DOCK9: variants seen among roughly 807,000 people sequenced by gnomAD.
DOCK9 encodes dedicator of cytokinesis 9.
In DOCK9, 89 loss-of-function variants were observed where a neutral mutation model predicts 263.3. The observed-to-expected ratio is 0.34, with a 90% CI of 0.28 to 0.40. The LOEUF (loss-of-function observed/expected upper bound fraction) is 0.40, where lower values mean the gene tolerates loss of function less well. Ranked by LOEUF, DOCK9 falls within the 10% of genes least tolerant of loss-of-function variation. DOCK9 has a pLI of 1.00. For synonymous variants in DOCK9, 976 were observed against 973.1 expected, an observed-to-expected ratio of 1.00 and a Z score of -0.06; for missense variants, 2,140 against 2,603.4, an observed-to-expected ratio of 0.82 and a Z score of 3.87.
At chr13:98,868,741 A>T (rs1172421147) in intron 27 of DOCK9, among the ~76,000 whole-genome samples, 1 of 152,164 alleles carries the variant, frequency 6.6e-6, no homozygotes, top group Non-Finnish European at 1.5e-5. Context: ...GTGACAAAGC[A>T]AGGCCCAGTC....
At position 98,881,505 on chromosome 13, in the gene DOCK9, G is replaced by A. The variant is rs550940687; in HGVS notation, c.2745+53C>T. ...CTTGTGAAAAAATAAGTCCTTAGAA[G>A]GAAAACTGGAGAGCCACAGATGTAA... On this transcript the variant is annotated intron_variant, in intron 25 of 52. Coordinates refer to ENST00000682017, the MANE Select transcript of DOCK9 (RefSeq NM_001366683.2). 79 of 1,468,062 alleles carry A rather than the reference G, an allele frequency of 5.4e-5. No individual in the cohort carries two copies. The South Asian group carries it at 8.3e-4, about 15-fold the overall frequency. The allele number at this position is 1,468,062 out of a possible 1,614,324, so 90.9% of individuals were successfully genotyped here. A position where few individuals can be genotyped will look rare whatever the true frequency, so the allele number is the denominator to read the frequency against.
At chr13:98,962,665 T>A (rs939253931) in intron 1 of DOCK9, among the ~76,000 whole-genome samples, 6 of 151,956 alleles carry the variant, frequency 3.9e-5, no homozygotes, top group Admixed American at 3.9e-4. Context: ...AAAAAAACTT[T>A]CCTTGACCTC....
chr13:98,828,042 T>C (rs1490112116), intron 43 of DOCK9, among the ~76,000 whole-genome samples: 1 of 151,960 alleles, frequency 6.6e-6, no homozygotes, highest in Non-Finnish European at 1.5e-5. Context: ...GTCATAGACA[T>C]ATGGGGAAGG....
chr13:98,894,427 T>G (rs1468309414), intron 15 of DOCK9, among the ~76,000 whole-genome samples: 2 of 152,204 alleles, frequency 1.3e-5, no homozygotes, highest in Non-Finnish European at 2.9e-5. Context: ...TCCATCTAGA[T>G]AGCTACTTGC....
chr13:98,955,635 G>A, intron 1 of DOCK9, 84 bp from the exon 2 acceptor site: 1 of 897,386 alleles, frequency 1.1e-6, no homozygotes. Context: ...TCTACTCTAT[G>A]TTTTGTATTT....
In DOCK9 at chr13:98,797,372, C is replaced by T. The variant is rs1028195071; in HGVS notation, c.6017+17G>A. ...ATCAATACTCGAAGAGAAAAAGATG[C>T]TTTCAGTGTGCTTTACCTGAAAACT... is the stretch of plus-strand genomic sequence containing the variant. On this transcript the variant is annotated intron_variant, in intron 51 of 52. Coordinates refer to ENST00000682017, the MANE Select transcript of DOCK9 (RefSeq NM_001366683.2). The T allele has an allele frequency of 1.9e-6, 3 of 1,611,078 alleles. No homozygotes were observed. The highest frequency in any genetic ancestry group is 1.3e-5 in the African/African-American group (1 of 74,900).
At chr13:99,086,240 G>C in exon 1 of DOCK9, 1 of 1,505,146 alleles carries the variant, frequency 6.6e-7, no homozygotes, top group Non-Finnish European at 8.8e-7. Flanking sequence ...ACGGAGCCGC[G>C]CACCACCTCA....
rs71114557 is a variant in DOCK9, at chr13:98,894,957, CAAA to C, written c.1709+2528_1709+2530del. On this transcript the variant is annotated intron_variant, in intron 15 of 52. Coordinates refer to ENST00000682017, the MANE Select transcript of DOCK9 (RefSeq NM_001366683.2). ...GATATTTAGTATCTCTACTAAAATACAAAAAAAAAAAAAAAAAAAAAAAAAAAT... is the reference window on the plus strand; with the variant it reads ...GATATTTAGTATCTCTACTAAAATACAAAAAAAAAAAAAAAAAAAAAAAAT... 1.1e-3 allele frequency among the ~76,000 whole-genome samples: 80 copies of C among 73,384 alleles called. No individual in the cohort carries two copies. The South Asian group carries it at 0.02, about 19-fold the overall frequency. The allele number at this position is 73,384 out of a possible 152,430, so 48.1% of individuals were successfully genotyped here. A position where few individuals can be genotyped will look rare whatever the true frequency, so the allele number is the denominator to read the frequency against.
chr13:98,879,326 G>A (rs1335642464), intron 27 of DOCK9, among the ~76,000 whole-genome samples: 1 of 152,110 alleles, frequency 6.6e-6, no homozygotes, highest in Non-Finnish European at 1.5e-5. Flanking sequence ...ACCACAAGGG[G>A]ATGCTGGGGC....
rs770184071 is a variant in DOCK9 at position 98,868,308 on chromosome 13, G to C, written c.3013C>G (p.Pro1005Ala). 4.3e-6 allele frequency: 7 copies of C among 1,613,664 alleles called. No individual in the cohort carries two copies. Among genetic ancestry groups the C allele is most frequent in the Non-Finnish European group, 5.9e-6 (7 of 1,179,782 alleles). The change falls in exon 28 of 53, where the codon CCA (proline) becomes GCA (alanine). Residue 1005 changes from proline (P) to alanine (A), a missense_variant. Transcript: ENST00000682017. ...TCTCGAAACTTCTGAGTGATGTGTG[G>C]CATCAGCATATTTACAACGGTTTCC... ...AVETVVNMLMPHITQKFRDNP... is the reference protein window; with the variant it reads ...AVETVVNMLMAHITQKFRDNP...
At chr13:99,079,148 G>C (rs1431551700) in intron 1 of DOCK9, among the ~76,000 whole-genome samples, 1 of 152,314 alleles carries the variant, frequency 6.6e-6, no homozygotes, top group African/African-American at 2.4e-5. Context: ...TTGCAGAATG[G>C]GGTAGCCCTC....
chr13:98,876,940 C>T (rs1004968190), intron 27 of DOCK9, among the ~76,000 whole-genome samples: 1 of 152,188 alleles, frequency 6.6e-6, no homozygotes, highest in Non-Finnish European at 1.5e-5. Context: ...CCAGAGTTTC[C>T]ACTTAAGCAC....
chr13:98,947,600 C>T (rs1242366785), intron 2 of DOCK9, among the ~76,000 whole-genome samples: 2 of 151,100 alleles, frequency 1.3e-5, no homozygotes, highest in Non-Finnish European at 2.9e-5. Flanking sequence ...ACCTCCGCCT[C>T]CCGGGTTCAA....
At chr13:99,038,786 C>T (rs940463188) in intron 1 of DOCK9, among the ~76,000 whole-genome samples, 3 of 152,080 alleles carry the variant, frequency 2.0e-5, no homozygotes, top group East Asian at 1.9e-4. Context: ...AGGGGGATTA[C>T]GAAAGGGAAG....
intron 1 of DOCK9, among the ~76,000 whole-genome samples, chr13:99,065,464 A>C (rs2041374351): frequency 6.6e-6 from 1 of 151,882 alleles, no homozygotes; most frequent in Admixed American, 6.6e-5. Flanking sequence ...TCAAGTCAAC[A>C]CTCCACAGCC....
chr13:99,056,356 G>A (rs7320574), intron 1 of DOCK9, among the ~76,000 whole-genome samples: 46,619 of 151,864 alleles, frequency 0.31, 7,499 homozygotes, highest in East Asian at 0.43. Context: ...GTCTTTTAAA[G>A]CAACAAATCT....
At chr13:98,970,044 G>C (rs2059581962) in intron 1 of DOCK9, among the ~76,000 whole-genome samples, 1 of 152,188 alleles carries the variant, frequency 6.6e-6, no homozygotes, top group South Asian at 2.1e-4. Context: ...GCCCAGGCTG[G>C]AGTGCAGTAG....
intron 33 of DOCK9, 185 bp downstream of exon 33, chr13:98,860,220 C>A: frequency 7.0e-7 from 1 of 1,433,976 alleles, no homozygotes; most frequent in East Asian, 2.5e-5. Flanking sequence ...CATCCGGGAC[C>A]TTTATTTCAG....
intron 9 of DOCK9, among the ~76,000 whole-genome samples, chr13:98,912,459 AG>A (rs932571887): frequency 6.6e-6 from 1 of 152,190 alleles, no homozygotes; most frequent in Admixed American, 6.5e-5. Context: ...AACAAAAAGA[AG>A]CAGGGGTTGA....
Sources: gnomAD v4.1 joint callset for allele counts (sites outside exome capture counted in the v4.1 genomes callset) on GRCh38, gnomAD v4.1.1 for gene constraint, MANE v1.5 for transcripts, NCBI Gene and HGNC (gene_info 2026-07-23, HGNC 2026-07-21) for gene names.